The following PRR5L variants were observed in gnomAD, a reference collection of about 807,000 sequenced individuals.
PRR5L encodes the protein proline rich 5 like, also known as proline-rich protein 5-like.
In PRR5L, 21 loss-of-function variants were observed where a neutral mutation model predicts 36.4. The observed-to-expected ratio is 0.58, with a 90% CI of 0.41 to 0.83. The LOEUF (loss-of-function observed/expected upper bound fraction) is 0.83, where lower values mean the gene tolerates loss of function less well. PRR5L is among the 40% of genes least tolerant of loss of function. The probability of loss-of-function intolerance (pLI) is 0.00; values close to 1 mark genes in which losing one functional copy is unlikely to be tolerated. For synonymous variants in PRR5L, 188 were observed against 197.0 expected (o/e 0.95, Z 0.38); for missense variants, 381 against 473.3 (o/e 0.80, Z 1.81).
chr11:36,403,615 G>A lies in PRR5L; in HGVS notation c.245+237G>A, dbSNP rs1857848113. Among the ~76,000 whole-genome samples, 7 of 152,136 alleles carry A rather than the reference G, an allele frequency of 4.6e-5. No homozygotes were observed. In the South Asian group the frequency reaches 1.5e-3, roughly 32 times the overall value. On this transcript the variant is annotated intron_variant, in intron 3 of 8. Transcript: ENST00000530639. ...TATGTAGTGTGTTTTGTAGGGGAAG[G>A]GGTGGAGAGTTGATAGATGGCAGCT...
chr11:36,462,760 T>A lies in PRR5L; in HGVS notation c.*24T>A. The A allele has an allele frequency of 6.6e-7, 1 of 1,510,710 alleles. No homozygotes were observed. The highest frequency in any genetic ancestry group is 8.8e-7 in the Non-Finnish European group (1 of 1,130,680). 93.6% of individuals were successfully genotyped at this position (1,510,710 alleles called of 1,614,324 possible). On this transcript the variant is annotated 3_prime_UTR_variant, in exon 9 of 9. Transcript: ENST00000530639. The stretch of plus-strand genomic sequence containing the variant: ...GAGTCGCCACCCCTGGGCCTTTCCA[T>A]CTCCTGTTTTGCAACCAGGATGAGG...
At chr11:36,460,514 G>A (rs1031276953) in intron 8 of PRR5L, among the ~76,000 whole-genome samples, 2 of 152,004 alleles carry the variant, frequency 1.3e-5, no homozygotes, top group South Asian at 2.1e-4. Context: ...TGTCTCTAGC[G>A]GTCATCCTCA....
At chr11:36,414,413 G>A (rs986753444) in intron 3 of PRR5L, among the ~76,000 whole-genome samples, 3 of 148,800 alleles carry the variant, frequency 2.0e-5, no homozygotes, top group South Asian at 2.2e-4. Context: ...ATTCTAACTG[G>A]TGTGAGATGG....
At position 36,462,417 on chromosome 11, in the gene PRR5L, C is replaced by T; in HGVS notation, c.788C>T (p.Pro263Leu). ...YASPITAVSR[P>L]LNEMVLTPLT... Reference sequence around the variant, plus strand: ...TCCCCGATAACCGCAGTCAGCCGGCCACTGAATGAGATGGTCTTGACCCCA... The same window carrying T: ...TCCCCGATAACCGCAGTCAGCCGGCTACTGAATGAGATGGTCTTGACCCCA... The change falls in exon 9 of 9, where the codon CCA becomes CTA. Residue 263 changes from proline to leucine, a missense_variant. Transcript: ENST00000530639. 1 of 1,582,526 alleles carries T rather than the reference C, an allele frequency of 6.3e-7. No individual in the cohort carries two copies. Among genetic ancestry groups the T allele is most frequent in the Non-Finnish European group, 8.6e-7 (1 of 1,161,930 alleles).
intron 1 of PRR5L, among the ~76,000 whole-genome samples, chr11:36,302,627 C>T (rs929852219): frequency 1.3e-5 from 2 of 151,884 alleles, no homozygotes; most frequent in Non-Finnish European, 1.5e-5. Flanking sequence ...CTCTACTAAA[C>T]ATACAAAAAA....
chr11:36,320,409 A>C (rs1201195256), intron 1 of PRR5L, among the ~76,000 whole-genome samples: 2 of 39,686 alleles, frequency 5.0e-5, no homozygotes, highest in Non-Finnish European at 1.1e-4. Flanking sequence ...ACACGCAGCT[A>C]ATTTTTTTTT....
Position 36,433,190 on chromosome 11 carries a change from G to A in PRR5L, c.352+1280G>A, listed in dbSNP as rs572957348. Among the ~76,000 whole-genome samples the A allele has an allele frequency of 6.6e-5, 10 of 152,186 alleles. No homozygotes were observed. In the East Asian group the frequency reaches 1.7e-3, roughly 26 times the overall value. Reference sequence around the variant, plus strand: ...TAGTGTTAATTATATTTACATTGTTGTGTAACAGATCTCTAGAACTTTATC... The same window carrying A: ...TAGTGTTAATTATATTTACATTGTTATGTAACAGATCTCTAGAACTTTATC... On this transcript the variant is annotated intron_variant, in intron 5 of 8. Transcript: ENST00000530639.
chr11:36,437,534 CCCTTGCGGCCTG>C, intron 6 of PRR5L, 58 bp downstream of exon 6: 1 of 1,070,856 alleles, frequency 9.3e-7, no homozygotes, highest in Non-Finnish European at 1.4e-6. Context: ...TCTCTCCTGG[CCCTTGCGGCCTG>C]AGGGCTCCTG....
Position 36,427,374 on chromosome 11 carries a change from G to A in PRR5L, c.295-4479G>A, listed in dbSNP as rs540300699. On this transcript the variant is annotated intron_variant, in intron 4 of 8. Coordinates refer to ENST00000530639, the MANE Select transcript of PRR5L (RefSeq NM_001160167.2). ...GGTTACTATTTAGTAACCATTTTTG[G>A]CTTAGTCTTCTGCCTGGGGAGGTGG... Among the ~76,000 whole-genome samples, 8 of 152,094 alleles carry A rather than the reference G, an allele frequency of 5.3e-5. No homozygotes were observed. In the South Asian group the frequency reaches 1.7e-3, roughly 32 times the overall value.
rs189697344 is a variant in PRR5L, at chr11:36,296,920, T to G, written c.-126+482T>G. On this transcript the variant is annotated intron_variant, in intron 1 of 8. Transcript: ENST00000530639. ...GTCATCATGCCCCTTGTAAAGCATT[T>G]TTTTTTACAACATCCTGCTAATAAA... Among the ~76,000 whole-genome samples, 473 of 152,314 alleles carry G rather than the reference T, an allele frequency of 3.1e-3. 3 individuals are homozygous for G. Among genetic ancestry groups the G allele is most frequent in the African/African-American group, 0.011 (454 of 41,562 alleles).
At chr11:36,371,524 T>C (rs1379185683) in intron 1 of PRR5L, among the ~76,000 whole-genome samples, 3 of 152,240 alleles carry the variant, frequency 2.0e-5, no homozygotes, top group African/African-American at 7.2e-5. Context: ...GGAGATCTAC[T>C]TGTGCTCCTC....
chr11:36,338,448 A>G (rs990935894), intron 1 of PRR5L, among the ~76,000 whole-genome samples: 1 of 152,222 alleles, frequency 6.6e-6, no homozygotes, highest in East Asian at 1.9e-4. Context: ...GCACTCTTCT[A>G]GAAATGACCA....
At chr11:36,430,703 T>C (rs1038694775) in intron 4 of PRR5L, among the ~76,000 whole-genome samples, 2 of 152,228 alleles carry the variant, frequency 1.3e-5, no homozygotes. Flanking sequence ...ATGATTAATG[T>C]GTTTATAATG....
In PRR5L at chr11:36,352,988, G is replaced by C. The variant is rs115798743; in HGVS notation, c.-125-48009G>C. On this transcript the variant is annotated intron_variant, in intron 1 of 8. Coordinates refer to ENST00000530639, the MANE Select transcript of PRR5L (RefSeq NM_001160167.2). Reference sequence around the variant, plus strand: ...GAGAAGGATGGTGTAAAAATATTTGGTTTTGTTTGTTTGTTCTTACAGACA... The same window carrying C: ...GAGAAGGATGGTGTAAAAATATTTGCTTTTGTTTGTTTGTTCTTACAGACA... Among the ~76,000 whole-genome samples the C allele has an allele frequency of 8.7e-3, 1,322 of 152,246 alleles. 20 individuals are homozygous for C. The highest frequency in any genetic ancestry group is 0.031 in the African/African-American group (1,268 of 41,538).
intron 1 of PRR5L, among the ~76,000 whole-genome samples, chr11:36,329,993 A>T (rs553488275): frequency 2.8e-4 from 42 of 152,256 alleles, no homozygotes; most frequent in Non-Finnish European, 5.9e-4. Context: ...TTCAAGGCAC[A>T]TCAGTCTCAA....
intron 1 of PRR5L, among the ~76,000 whole-genome samples, chr11:36,373,198 A>G (rs1857215445): frequency 6.6e-6 from 1 of 152,160 alleles, no homozygotes; most frequent in Admixed American, 6.5e-5. Flanking sequence ...GAGGTTGTGG[A>G]CATGGCAAGC....
At chr11:36,415,235 G>T (rs1351241854) in intron 3 of PRR5L, among the ~76,000 whole-genome samples, 2 of 152,126 alleles carry the variant, frequency 1.3e-5, no homozygotes, top group East Asian at 3.9e-4. Flanking sequence ...GTAGATACTG[G>T]ATACTTTCTA....
rs773749653 is a variant in PRR5L at position 36,401,246 on chromosome 11, G to A, written c.125G>A (p.Arg42Gln). The stretch of plus-strand genomic sequence containing the variant: ...GACCTTCCCCGATTCCAAGCAGCTC[G>A]GCAGGCTCTGCAGCTGAGCTCCAGC... ...LSDLPRFQAA[R>Q]QALQLSSSSA... Residue 42 changes from arginine to glutamine, a missense_variant, in exon 2 of 9, where the codon CGG (arginine) becomes CAG (glutamine). By Grantham distance (43) the Arg-to-Gln change is conservative (BLOSUM62 1). Coordinates refer to ENST00000530639, the MANE Select transcript of PRR5L (RefSeq NM_001160167.2). 18 of 1,612,976 alleles carry A rather than the reference G, an allele frequency of 1.1e-5. No individual in the cohort carries two copies. The highest frequency in any genetic ancestry group is 4.5e-5 in the East Asian group (2 of 44,862).
intron 2 of PRR5L, among the ~76,000 whole-genome samples, chr11:36,402,368 T>C (rs1857814993): frequency 6.6e-6 from 1 of 152,156 alleles, no homozygotes; most frequent in Non-Finnish European, 1.5e-5. Flanking sequence ...CTCAGCCTCC[T>C]AAGTAGCTGG....
Sources: gnomAD v4.1 joint callset for allele counts (sites outside exome capture counted in the v4.1 genomes callset) on GRCh38, gnomAD v4.1.1 for gene constraint, MANE v1.5 for transcripts, NCBI Gene and HGNC (gene_info 2026-07-23, HGNC 2026-07-21) for gene names.